The following ATRNL1 variants were observed in gnomAD, a reference collection of about 807,000 sequenced individuals.
ATRNL1 encodes the protein attractin like 1, also known as attractin-like protein 1.
ATRNL1 carries 95 observed loss-of-function variants against 182.7 expected under a neutral mutation model. The observed-to-expected ratio is 0.52, with a 90% CI of 0.44 to 0.62. The LOEUF (loss-of-function observed/expected upper bound fraction) is 0.62. ATRNL1 is among the 20% of genes least tolerant of loss of function. The probability of loss-of-function intolerance (pLI) is 0.00; values close to 1 mark genes in which losing one functional copy is unlikely to be tolerated. For synonymous variants in ATRNL1, 576 were observed against 568.3 expected (o/e 1.01, Z -0.19); for missense variants, 1,471 against 1,679.5 (o/e 0.88, Z 2.17).
At chr10:115,699,819 C>A (rs551709351) in intron 26 of ATRNL1, among the ~76,000 whole-genome samples, 22 of 152,260 alleles carry the variant, frequency 1.4e-4, no homozygotes, top group African/African-American at 5.3e-4. Context: ...CCCATAGTTA[C>A]TTTCTCAGCC....
At chr10:115,860,829 G>C (rs1000326031) in intron 28 of ATRNL1, among the ~76,000 whole-genome samples, 4 of 152,100 alleles carry the variant, frequency 2.6e-5, no homozygotes, top group Admixed American at 2.6e-4. Context: ...CATCTCTCTA[G>C]AAATAGAGAA....
At chr10:115,530,399 T>C (rs1371136368) in intron 25 of ATRNL1, among the ~76,000 whole-genome samples, 1 of 152,128 alleles carries the variant, frequency 6.6e-6, no homozygotes, top group Non-Finnish European at 1.5e-5. Flanking sequence ...TAACTGCCTT[T>C]CTTATAGCCA....
chr10:115,382,218 A>G (rs1034649809), intron 19 of ATRNL1, among the ~76,000 whole-genome samples: 2 of 152,126 alleles, frequency 1.3e-5, no homozygotes, highest in Non-Finnish European at 2.9e-5. Flanking sequence ...TCAGCTTGTC[A>G]TTTTCTACAA....
At chr10:115,619,607 A>G (rs1555022011) in intron 26 of ATRNL1, among the ~76,000 whole-genome samples, 1 of 152,240 alleles carries the variant, frequency 6.6e-6, no homozygotes, top group Admixed American at 6.5e-5. Context: ...ATACTTTTGT[A>G]ATATGAATTT....
At chr10:115,378,709 G>A (rs1432678652) in intron 19 of ATRNL1, among the ~76,000 whole-genome samples, 1 of 152,200 alleles carries the variant, frequency 6.6e-6, no homozygotes, top group Non-Finnish European at 1.5e-5. Flanking sequence ...GCACAGATCA[G>A]CAAGTCTCCC....
intron 24 of ATRNL1, among the ~76,000 whole-genome samples, chr10:115,515,110 T>A (rs1850571469): frequency 6.6e-6 from 1 of 151,834 alleles, no homozygotes; most frequent in South Asian, 2.1e-4. Flanking sequence ...ACACTTCTGT[T>A]TTCACTTCCT....
rs1056159489 is a variant in ATRNL1 at position 115,944,954 on chromosome 10, A to G, written c.*175A>G. On this transcript the variant is annotated 3_prime_UTR_variant, in exon 29 of 29. Transcript: ENST00000355044. Reference sequence around the variant, plus strand: ...GCCAAAGAATGTTCATGAGTTTTATAAAAGTATTGATGGTCACAGGTGATA... The same window carrying G: ...GCCAAAGAATGTTCATGAGTTTTATGAAAGTATTGATGGTCACAGGTGATA... The G allele has an allele frequency of 4.8e-6, 3 of 631,364 alleles. No individual in the cohort carries two copies. 39.1% of individuals were successfully genotyped at this position (631,364 alleles called of 1,614,324 possible). A position where few individuals can be genotyped will look rare whatever the true frequency, so the allele number is the denominator to read the frequency against.
rs1357497410 is a variant in ATRNL1 at position 115,249,338 on chromosome 10, T to TAC, written c.1687+7626_1687+7627dup. On this transcript the variant is annotated intron_variant, in intron 10 of 28. Transcript: ENST00000355044. The stretch of plus-strand genomic sequence containing the variant: ...CTTTACAGTAATACAGATATATATA[T>TAC]ACACACACACACACGTTTATATATA... Among the ~76,000 whole-genome samples, 580 of 151,666 alleles carry TAC rather than the reference T, an allele frequency of 3.8e-3. 2 individuals carry two copies. Among genetic ancestry groups the TAC allele is most frequent in the African/African-American group, 0.012 (478 of 41,352 alleles).
intron 24 of ATRNL1, among the ~76,000 whole-genome samples, chr10:115,516,944 A>G (rs1850669677): frequency 1.3e-5 from 2 of 151,886 alleles, no homozygotes; most frequent in Admixed American, 1.3e-4. Context: ...AACAATTGTG[A>G]TATCCCCCTA....
rs1306918649 is a variant in ATRNL1 at position 115,947,431 on chromosome 10, A to C, written c.*2652A>C. 1 of 152,640 alleles carries C rather than the reference A, an allele frequency of 6.6e-6. No individual in the cohort carries two copies. Among genetic ancestry groups the C allele is most frequent in the Non-Finnish European group, 1.5e-5 (1 of 68,042 alleles). The allele number at this position is 152,640 out of a possible 1,614,324, so 9.5% of individuals were successfully genotyped here. ...TTTTATTCTGCCAAGTATGAAAAAA[A>C]AATGGTTAAATACAATGGAGTTTTA... On this transcript the variant is annotated 3_prime_UTR_variant, in exon 29 of 29. Transcript: ENST00000355044.
At chr10:115,353,656 T>C (rs1483279422) in intron 19 of ATRNL1, among the ~76,000 whole-genome samples, 1 of 152,220 alleles carries the variant, frequency 6.6e-6, no homozygotes, top group Non-Finnish European at 1.5e-5. Context: ...TCTTCCTCTC[T>C]TCCTTTTTAG....
chr10:115,293,006 T>C (rs1293253977), intron 15 of ATRNL1, among the ~76,000 whole-genome samples: 1 of 152,152 alleles, frequency 6.6e-6, no homozygotes, highest in Non-Finnish European at 1.5e-5. Context: ...TTATATCTAA[T>C]AATATTTTCC....
At chr10:115,562,386 ATTAGAC>A (rs782157924) in intron 26 of ATRNL1, among the ~76,000 whole-genome samples, 22 of 152,296 alleles carry the variant, frequency 1.4e-4, no homozygotes, top group Non-Finnish European at 2.2e-4. Flanking sequence ...ATGTTTTAAA[ATTAGAC>A]TGTGGTAATT....
intron 27 of ATRNL1, among the ~76,000 whole-genome samples, chr10:115,838,387 A>C (rs1319447981): frequency 6.6e-6 from 1 of 152,210 alleles, no homozygotes; most frequent in East Asian, 1.9e-4. Context: ...GTCACAGCAC[A>C]CTGACAGCAA....
At chr10:115,609,070 G>T (rs1555018285) in intron 26 of ATRNL1, among the ~76,000 whole-genome samples, 1 of 151,890 alleles carries the variant, frequency 6.6e-6, no homozygotes, top group Non-Finnish European at 1.5e-5. Context: ...TATAAGTTAA[G>T]TTGAAATGTT....
intron 10 of ATRNL1, among the ~76,000 whole-genome samples, chr10:115,249,574 A>G (rs931984208): frequency 2.6e-5 from 4 of 152,098 alleles, no homozygotes; most frequent in Non-Finnish European, 5.9e-5. Context: ...GAGAACAGTA[A>G]CTCTAATTTT....
chr10:115,537,628 A>C (rs1197230100), intron 25 of ATRNL1, among the ~76,000 whole-genome samples: 1 of 152,182 alleles, frequency 6.6e-6, no homozygotes, highest in South Asian at 2.1e-4. Flanking sequence ...AAAGTATACC[A>C]GTCACTTTTT....
chr10:115,441,153 T>A (rs1418838528), intron 21 of ATRNL1, among the ~76,000 whole-genome samples: 2 of 151,956 alleles, frequency 1.3e-5, no homozygotes, highest in Admixed American at 1.3e-4. Context: ...TTTAAGGGAC[T>A]TTGCTCTTCC....
chr10:115,512,312 ATTC>A (rs1262908190), intron 24 of ATRNL1, among the ~76,000 whole-genome samples: 7 of 151,876 alleles, frequency 4.6e-5, no homozygotes, highest in African/African-American at 1.7e-4. Context: ...CTAAATAATC[ATTC>A]TTTTAAGATG....
Sources: allele counts gnomAD v4.1 joint callset (sites outside exome capture counted in the v4.1 genomes callset), GRCh38; gene constraint gnomAD v4.1.1; transcripts MANE v1.5; gene names NCBI Gene and HGNC (gene_info 2026-07-23, HGNC 2026-07-21).